The following BCL11B variants were observed in gnomAD, a reference collection of about 807,000 sequenced individuals.
BCL11B encodes the protein B-cell lymphoma/leukemia 11B.
In BCL11B, 8 loss-of-function variants were observed where a neutral mutation model predicts 49.9. The observed-to-expected ratio is 0.16, with a 90% confidence interval of 0.09 to 0.29. The LOEUF is 0.29. BCL11B is among the 10% of genes least tolerant of loss of function. BCL11B has a pLI of 1.00. For synonymous variants in BCL11B, 739 were observed against 637.4 expected (o/e 1.16, Z -2.40); for missense variants, 1,006 against 1,351.0 (o/e 0.74, Z 4.00).
intron 3 of BCL11B, among the ~76,000 whole-genome samples, chr14:99,185,295 G>C (rs1886819121): frequency 6.6e-6 from 1 of 152,048 alleles, no homozygotes; most frequent in Non-Finnish European, 1.5e-5. Flanking sequence ...AAATTAGCTG[G>C]GCATGGTGGC....
chr14:99,221,578 G>T (rs960191660), intron 3 of BCL11B, among the ~76,000 whole-genome samples: 2 of 152,256 alleles, frequency 1.3e-5, no homozygotes, highest in Non-Finnish European at 2.9e-5. Flanking sequence ...AAGGCCAGGC[G>T]GGAGGGGCAG....
chr14:99,257,478 G>T lies in BCL11B; in HGVS notation c.420C>A (p.Asn140Lys). The T allele has an allele frequency of 6.3e-7, 1 of 1,595,652 alleles. No homozygotes were observed. Among genetic ancestry groups the T allele is most frequent in the South Asian group, 1.1e-5 (1 of 88,992 alleles). Residue 140 changes from asparagine to lysine, a missense_variant, in exon 2 of 4, where the codon AAC (asparagine) becomes AAA (lysine). Asn to Lys is a moderately conservative substitution (Grantham distance 94). Coordinates refer to ENST00000357195, the MANE Select transcript of BCL11B (RefSeq NM_138576.4). The surrounding 1 kb of genome is among the most constrained non-coding windows in gnomAD (Gnocchi z 6.2). Reference sequence around the variant, plus strand: ...AAGCGCAGCATCCCATACCTGCAATGTTCTCCTGCTTGGGACAGATGCCTT... The same window carrying T: ...AAGCGCAGCATCCCATACCTGCAATTTTCTCCTGCTTGGGACAGATGCCTT... ...PTKGICPKQE[N>K]IAGPCRPAQL...
chr14:99,249,530 C>A (rs563777865), intron 2 of BCL11B, among the ~76,000 whole-genome samples: 1 of 152,302 alleles, frequency 6.6e-6, no homozygotes, highest in African/African-American at 2.4e-5. Context: ...TCAGTTGCCT[C>A]ATCTGCAAAA....
At chr14:99,270,490 G>A (rs1475386554) in intron 1 of BCL11B, among the ~76,000 whole-genome samples, 1 of 151,772 alleles carries the variant, frequency 6.6e-6, no homozygotes, top group Non-Finnish European at 1.5e-5. Flanking sequence ...TGGGGGGTGG[G>A]GAGGGGGGCT....
At chr14:99,207,725 G>A (rs752623497) in intron 3 of BCL11B, among the ~76,000 whole-genome samples, 54 of 152,252 alleles carry the variant, frequency 3.5e-4, no homozygotes, top group Admixed American at 2.0e-3. Flanking sequence ...GAGCTCCCTC[G>A]GCTGCCTGGG....
In BCL11B at chr14:99,174,859, C is replaced by G. The variant is rs753747298; in HGVS notation, c.1977G>C (p.Ala659=). ...GAVNGRGGGF[A]PGTEPFPGLF... ...GCCCGGGGAAGGGCTCGGTGCCTGG[C>G]GCGAAGCCGCCCCCGCGCCCGTTGA... Residue 659 remains alanine (A), a synonymous_variant, in exon 4 of 4, where the codon GCG becomes GCC. Coordinates refer to ENST00000357195, the MANE Select transcript of BCL11B (RefSeq NM_138576.4). 5 of 1,210,862 alleles carry G rather than the reference C, an allele frequency of 4.1e-6. No individual in the cohort carries two copies. Among genetic ancestry groups the G allele is most frequent in the Non-Finnish European group, 5.1e-6 (5 of 975,018 alleles). 75.0% of individuals were successfully genotyped at this position (1,210,862 alleles called of 1,614,324 possible).
At chr14:99,208,356 G>T (rs996098519) in intron 3 of BCL11B, among the ~76,000 whole-genome samples, 2 of 152,174 alleles carry the variant, frequency 1.3e-5, no homozygotes, top group Non-Finnish European at 2.9e-5. Flanking sequence ...GAATGGACAA[G>T]GACCGTTCCT....
At chr14:99,270,780 TC>T (rs1889649773) in intron 1 of BCL11B, among the ~76,000 whole-genome samples, 2 of 19,474 alleles carry the variant, frequency 1.0e-4, no homozygotes, top group East Asian at 3.1e-3. Flanking sequence ...CCCAGCCCCC[TC>T]CCCCTCCTCT....
At chr14:99,266,035 G>A (rs1889472004) in intron 1 of BCL11B, among the ~76,000 whole-genome samples, 1 of 152,158 alleles carries the variant, frequency 6.6e-6, no homozygotes. Flanking sequence ...CTCATTAAAA[G>A]CCATCCATAA....
chr14:99,173,766 A>C lies in BCL11B; in HGVS notation c.*385T>G. ...AATTTAAAAGATATGCTTCCCCTCT[A>C]ACATTGCTTGCGAGTCATTGCTCAG... On this transcript the variant is annotated 3_prime_UTR_variant, in exon 4 of 4. Coordinates refer to ENST00000357195, the MANE Select transcript of BCL11B (RefSeq NM_138576.4). 1 of 259,748 alleles carries C rather than the reference A, an allele frequency of 3.8e-6. No homozygotes were observed. The highest frequency in any genetic ancestry group is 7.4e-6 in the Non-Finnish European group (1 of 134,382). 16.1% of individuals were successfully genotyped at this position (259,748 alleles called of 1,614,324 possible).
At chr14:99,176,381 C>A (rs748400936) in intron 3 of BCL11B, among the ~76,000 whole-genome samples, 186 bp from the exon 4 acceptor site, 1 of 152,158 alleles carries the variant, frequency 6.6e-6, no homozygotes, top group South Asian at 2.1e-4. Flanking sequence ...GCTGGGGGGC[C>A]GAAGACGCAG....
At chr14:99,260,981 A>G (rs908588816) in intron 1 of BCL11B, among the ~76,000 whole-genome samples, 3 of 152,160 alleles carry the variant, frequency 2.0e-5, no homozygotes, top group African/African-American at 7.2e-5. Context: ...ACAAACAAAA[A>G]ATATCTCCTT....
chr14:99,239,186 T>C (rs1394500491), intron 2 of BCL11B, among the ~76,000 whole-genome samples: 2 of 152,162 alleles, frequency 1.3e-5, no homozygotes, highest in Admixed American at 1.3e-4. Flanking sequence ...CAATTTAGGT[T>C]TTCTGATCAG....
chr14:99,208,765 C>T (rs1284465779), intron 3 of BCL11B, among the ~76,000 whole-genome samples: 1 of 152,190 alleles, frequency 6.6e-6, no homozygotes. Flanking sequence ...AAGGAGTGCT[C>T]GCTGGAAGAA....
intron 2 of BCL11B, among the ~76,000 whole-genome samples, chr14:99,249,057 A>T (rs1781855405): frequency 6.6e-6 from 1 of 152,164 alleles, no homozygotes; most frequent in African/African-American, 2.4e-5. Context: ...AGATGTGTGC[A>T]GGACAGGTGG....
chr14:99,187,727 T>G (rs1259851980), intron 3 of BCL11B, among the ~76,000 whole-genome samples: 1 of 151,148 alleles, frequency 6.6e-6, no homozygotes, highest in Non-Finnish European at 1.5e-5. Context: ...TGTAGCTGTT[T>G]CTCACTCACA....
At chr14:99,210,786 A>G (rs1231959558) in intron 3 of BCL11B, among the ~76,000 whole-genome samples, 1 of 152,116 alleles carries the variant, frequency 6.6e-6, no homozygotes, top group Non-Finnish European at 1.5e-5. Context: ...TGACTTTGAC[A>G]CTGACGTGCG....
rs192109267 is a variant in BCL11B, at chr14:99,186,376, C to A, written c.641-10181G>T. Among the ~76,000 whole-genome samples the A allele has an allele frequency of 4.2e-3, 632 of 152,288 alleles. 3 individuals are homozygous for A. The highest frequency in any genetic ancestry group is 7.0e-3 in the Non-Finnish European group (476 of 68,010). ...TCTCTACTAAAAATACAAAAATTAG[C>A]CAGCATGGTGGCAGGTGCCTGTAGT... On this transcript the variant is annotated intron_variant, in intron 3 of 3. Coordinates refer to ENST00000357195, the MANE Select transcript of BCL11B (RefSeq NM_138576.4).
chr14:99,221,679 C>T (rs1051553881), intron 3 of BCL11B, among the ~76,000 whole-genome samples: 1 of 152,272 alleles, frequency 6.6e-6, no homozygotes, highest in South Asian at 2.1e-4. Context: ...GTGCCGTCCA[C>T]CAGACGCGCA....
Sources: allele counts gnomAD v4.1 joint callset (sites outside exome capture counted in the v4.1 genomes callset), GRCh38; gene constraint gnomAD v4.1.1; non-coding constraint Gnocchi (gnomAD v3.1); transcripts MANE v1.5; gene names NCBI Gene and HGNC (gene_info 2026-07-23, HGNC 2026-07-21).